Variants in GUCY1A2 observed in about 807,000 individuals in gnomAD.
The protein encoded by GUCY1A2 is guanylate cyclase 1 soluble subunit alpha 2.
Under a neutral mutation model 63.5 loss-of-function variants are expected in GUCY1A2, and 27 were observed. The observed-to-expected ratio is 0.43, with a 90% CI of 0.31 to 0.59. The LOEUF (loss-of-function observed/expected upper bound fraction) is 0.59. Among genes scored for constraint, GUCY1A2 ranks in the 20% least tolerant of loss-of-function variants. GUCY1A2 has a pLI of 0.11. For missense variants in GUCY1A2, 768 were observed against 913.3 expected (o/e 0.84, Z 2.05); for synonymous variants, 364 against 343.5 (o/e 1.06, Z -0.66).
At chr11:106,788,235 A>AT (rs147332058) in intron 5 of GUCY1A2, among the ~76,000 whole-genome samples, 82 of 148,732 alleles carry the variant, frequency 5.5e-4, no homozygotes, top group Middle Eastern at 3.5e-3. Flanking sequence ...AGATTATTAG[A>AT]TTTTTTTTTT....
intron 1 of GUCY1A2, among the ~76,000 whole-genome samples, chr11:107,011,538 TTAAATATA>T (rs998391128): frequency 3.4e-5 from 5 of 146,800 alleles, no homozygotes; most frequent in East Asian, 1.9e-4. Flanking sequence ...TTTTAATATA[TTAAATATA>T]TAAATATATT....
At chr11:106,746,510 T>A (rs1863789880) in intron 6 of GUCY1A2, 1 of 1,035,328 alleles carries the variant, frequency 9.7e-7, no homozygotes, top group Non-Finnish European at 1.5e-6. Flanking sequence ...TGCATAGCTG[T>A]ATCCTCTGTT....
At chr11:106,827,571 T>C (rs1014368929) in intron 4 of GUCY1A2, 2 of 1,449,648 alleles carry the variant, frequency 1.4e-6, no homozygotes, top group Non-Finnish European at 9.7e-7. Context: ...GAGTTTCTTA[T>C]ATACATGCTG....
At chr11:106,838,321 C>T (rs2135441405) in intron 4 of GUCY1A2, among the ~76,000 whole-genome samples, 1 of 151,986 alleles carries the variant, frequency 6.6e-6, no homozygotes, top group Middle Eastern at 3.4e-3. Context: ...AGCATGGGAC[C>T]TAACACACAG....
intron 4 of GUCY1A2, among the ~76,000 whole-genome samples, chr11:106,816,258 A>G (rs1858830942): frequency 6.6e-6 from 1 of 151,916 alleles, no homozygotes; most frequent in Admixed American, 6.6e-5. Flanking sequence ...ATAAATTTCA[A>G]AAGTTGAAAT....
intron 4 of GUCY1A2, among the ~76,000 whole-genome samples, chr11:106,824,508 TG>T (rs1858941528): frequency 6.6e-6 from 1 of 152,042 alleles, no homozygotes; most frequent in Non-Finnish European, 1.5e-5. Context: ...GCTGTTCCAG[TG>T]GTTAGAAACC....
chr11:106,709,206 T>C (rs1358409223), intron 6 of GUCY1A2, among the ~76,000 whole-genome samples: 2 of 102,532 alleles, frequency 2.0e-5, no homozygotes, highest in Non-Finnish European at 4.1e-5. Context: ...ATAATATACA[T>C]GTATATTATA....
chr11:106,794,291 T>C (rs966611529), intron 5 of GUCY1A2, among the ~76,000 whole-genome samples: 7 of 152,098 alleles, frequency 4.6e-5, no homozygotes, highest in African/African-American at 7.2e-5. Context: ...CAAATAACTC[T>C]CTGAGTTTCT....
At chr11:107,010,003 T>C (rs1184935418) in intron 1 of GUCY1A2, among the ~76,000 whole-genome samples, 1 of 152,192 alleles carries the variant, frequency 6.6e-6, no homozygotes, top group Non-Finnish European at 1.5e-5. Flanking sequence ...CTAACAATTT[T>C]CCTCAGGTAT....
At chr11:107,004,808 C>A (rs1861651896) in intron 1 of GUCY1A2, among the ~76,000 whole-genome samples, 1 of 152,104 alleles carries the variant, frequency 6.6e-6, no homozygotes, top group Non-Finnish European at 1.5e-5. Flanking sequence ...TTGGGAGAAC[C>A]AAGCAAAGGA....
At chr11:106,788,720 T>C (rs1157508571) in intron 5 of GUCY1A2, among the ~76,000 whole-genome samples, 1 of 152,226 alleles carries the variant, frequency 6.6e-6, no homozygotes, top group Admixed American at 6.5e-5. Context: ...TATAGATGTA[T>C]GGCTATATTC....
At chr11:106,726,711 T>C (rs1449912502) in intron 6 of GUCY1A2, among the ~76,000 whole-genome samples, 1 of 152,070 alleles carries the variant, frequency 6.6e-6, no homozygotes, top group East Asian at 1.9e-4. Context: ...AGACAAGAGA[T>C]AGCATTACAA....
At chr11:106,722,894 G>C (rs1565269371) in intron 6 of GUCY1A2, among the ~76,000 whole-genome samples, 1 of 151,776 alleles carries the variant, frequency 6.6e-6, no homozygotes, top group Non-Finnish European at 1.5e-5. Context: ...GTTTTGTTTT[G>C]ACCCCATTCC....
intron 6 of GUCY1A2, among the ~76,000 whole-genome samples, chr11:106,752,228 TAATATA>T (rs917301839): frequency 2.0e-5 from 3 of 152,116 alleles, no homozygotes; most frequent in Non-Finnish European, 2.9e-5. Context: ...TAACAAAACC[TAATATA>T]AATATAACAA....
rs139168650 is a variant in GUCY1A2 at position 106,939,281 on chromosome 11, T to C, written c.1206+179A>G. 3.3e-5 allele frequency among the ~76,000 whole-genome samples: 5 copies of C among 152,334 alleles called. No individual in the cohort carries two copies. In the East Asian group the frequency reaches 7.7e-4, roughly 24 times the overall value. The stretch of plus-strand genomic sequence containing the variant: ...AAATTAATGGAGGAGGCAGACACTA[T>C]GCAAAATGGCTGGGAATGAGGCCAA... On this transcript the variant is annotated intron_variant, in intron 4 of 7. Coordinates refer to ENST00000526355, the MANE Select transcript of GUCY1A2 (RefSeq NM_000855.3).
chr11:106,711,323 C>G lies in GUCY1A2; in HGVS notation c.1837-2657G>C, dbSNP rs547700963. ...CTTTGTTTTATGTGGAAAAAACATT[C>G]CAAGTAAATTAAAGATCTTGATGTA... is the stretch of plus-strand genomic sequence containing the variant. On this transcript the variant is annotated intron_variant, in intron 6 of 7. Transcript: ENST00000526355. 4.6e-5 allele frequency among the ~76,000 whole-genome samples: 7 copies of G among 152,182 alleles called. No individual in the cohort carries two copies. The East Asian group carries it at 1.4e-3, about 29-fold the overall frequency.
intron 7 of GUCY1A2, among the ~76,000 whole-genome samples, chr11:106,700,532 T>C (rs1030542935): frequency 1.3e-5 from 2 of 152,176 alleles, no homozygotes; most frequent in African/African-American, 4.8e-5. Flanking sequence ...AAGGGTAATA[T>C]TAATGTTGCT....
At chr11:106,900,003 G>A (rs1007564367) in intron 4 of GUCY1A2, among the ~76,000 whole-genome samples, 3 of 150,720 alleles carry the variant, frequency 2.0e-5, no homozygotes, top group Non-Finnish European at 4.4e-5. Flanking sequence ...GGAGAATGGC[G>A]TGAACCCGGG....
At chr11:106,902,083 C>T (rs1378588337) in intron 4 of GUCY1A2, among the ~76,000 whole-genome samples, 1 of 152,130 alleles carries the variant, frequency 6.6e-6, no homozygotes. Flanking sequence ...TGAAATAACT[C>T]CTTGATCCAT....
Sources: gnomAD v4.1 joint callset for allele counts (sites outside exome capture counted in the v4.1 genomes callset) on GRCh38, gnomAD v4.1.1 for gene constraint, MANE v1.5 for transcripts, NCBI Gene and HGNC (gene_info 2026-07-23, HGNC 2026-07-21) for gene names.